USH2A: variants seen among roughly 807,000 people sequenced by gnomAD.
USH2A encodes the protein Usher syndrome 2A (autosomal recessive, mild).
Under a neutral mutation model 538.9 loss-of-function variants are expected in USH2A, and 443 were observed. The ratio of observed to expected loss-of-function variants is 0.82; its 90% CI spans 0.76 to 0.89. The LOEUF is 0.89. Among genes scored for constraint, USH2A ranks in the 40% least tolerant of loss-of-function variants. The pLI is 0.00. For missense variants in USH2A, 6,633 were observed against 6,324.8 expected (o/e 1.05, Z -1.65); for synonymous variants, 2,413 against 2,273.5 (o/e 1.06, Z -1.75).
intron 26 of USH2A, among the ~76,000 whole-genome samples, chr1:216,080,752 A>G (rs1194120737): frequency 2.6e-5 from 4 of 151,264 alleles, no homozygotes; most frequent in Non-Finnish European, 5.9e-5. Context: ...AGGAAGGGAT[A>G]GAATCTAGGA....
chr1:215,828,341 C>T (rs1390608062), intron 47 of USH2A, among the ~76,000 whole-genome samples: 4 of 151,998 alleles, frequency 2.6e-5, no homozygotes, highest in Non-Finnish European at 5.9e-5. Context: ...GCCTATTGTC[C>T]CAGCTACTCA....
rs75515914 is a variant in USH2A, at chr1:216,157,876, A to G, written c.4627+17376T>C. ...GCTCACTACTTGCGTAATGGAACCC[A>G]TAGCCCAAACGTTAGCGTCATGCAA... On this transcript the variant is annotated intron_variant, in intron 21 of 71. Coordinates refer to ENST00000307340, the MANE Select transcript of USH2A (RefSeq NM_206933.4). Among the ~76,000 whole-genome samples, 455 of 152,306 alleles carry G rather than the reference A, an allele frequency of 3.0e-3. 6 individuals are homozygous for G. Among genetic ancestry groups the G allele is most frequent in the East Asian group, 0.014 (70 of 5,162 alleles).
intron 21 of USH2A, among the ~76,000 whole-genome samples, chr1:216,105,368 T>A (rs1334114742): frequency 6.6e-6 from 1 of 151,856 alleles, no homozygotes; most frequent in Non-Finnish European, 1.5e-5. Flanking sequence ...ATTGTTTTTT[T>A]TTGACTCCTA....
At chr1:216,119,205 G>A (rs767324957) in intron 21 of USH2A, among the ~76,000 whole-genome samples, 1 of 152,164 alleles carries the variant, frequency 6.6e-6, no homozygotes, top group Non-Finnish European at 1.5e-5. Context: ...TAATCACTAA[G>A]TAGCCATTTA....
intron 69 of USH2A, among the ~76,000 whole-genome samples, chr1:215,636,403 A>G (rs1282850171): frequency 6.6e-6 from 1 of 152,172 alleles, no homozygotes; most frequent in Non-Finnish European, 1.5e-5. Context: ...TTGGACTCTG[A>G]CCTTTGCTTC....
At chr1:215,678,768 G>T (rs1486240458) in intron 62 of USH2A, among the ~76,000 whole-genome samples, 1 of 152,056 alleles carries the variant, frequency 6.6e-6, no homozygotes, top group East Asian at 1.9e-4. Context: ...TAACATCAGG[G>T]AACCTGACTG....
At chr1:215,665,719 A>T (rs923603527) in intron 64 of USH2A, among the ~76,000 whole-genome samples, 2 of 152,212 alleles carry the variant, frequency 1.3e-5, no homozygotes, top group Non-Finnish European at 2.9e-5. Flanking sequence ...TTCACACTGC[A>T]TGTATTAGAA....
intron 56 of USH2A, among the ~76,000 whole-genome samples, chr1:215,760,803 T>A (rs1448337981): frequency 6.6e-6 from 1 of 152,174 alleles, no homozygotes; most frequent in Admixed American, 6.6e-5. Context: ...CTTCTCCTGG[T>A]CCAAGCCACG....
chr1:216,141,204 T>C (rs1039825250), intron 21 of USH2A, among the ~76,000 whole-genome samples: 7 of 152,224 alleles, frequency 4.6e-5, no homozygotes, highest in African/African-American at 1.7e-4. Flanking sequence ...TCTTACCATT[T>C]TGAACCTGCA....
At chr1:216,242,513 C>T (rs967447358) in intron 13 of USH2A, among the ~76,000 whole-genome samples, 1 of 152,004 alleles carries the variant, frequency 6.6e-6, no homozygotes, top group East Asian at 1.9e-4. Flanking sequence ...AAAACAGGCA[C>T]TTATGATCTT....
At chr1:216,339,481 A>C (rs2038034714) in intron 4 of USH2A, among the ~76,000 whole-genome samples, 1 of 151,722 alleles carries the variant, frequency 6.6e-6, no homozygotes, top group Non-Finnish European at 1.5e-5. Context: ...TAAATGCAGA[A>C]TGTGGGAGGA....
chr1:216,180,348 T>C (rs1316003399), intron 20 of USH2A, among the ~76,000 whole-genome samples: 1 of 152,122 alleles, frequency 6.6e-6, no homozygotes, highest in African/African-American at 2.4e-5. Context: ...CTTGTACTTT[T>C]AAAATAGCAC....
At chr1:216,420,868 A>G (rs994822651) in intron 2 of USH2A, among the ~76,000 whole-genome samples, 3 of 152,174 alleles carry the variant, frequency 2.0e-5, no homozygotes, top group Admixed American at 2.0e-4. Flanking sequence ...CACTTGGCAA[A>G]TTGAAACTAA....
intron 21 of USH2A, among the ~76,000 whole-genome samples, chr1:216,171,813 G>A (rs1308181516): frequency 6.6e-6 from 1 of 151,988 alleles, no homozygotes; most frequent in Non-Finnish European, 1.5e-5. Flanking sequence ...ATAAATAATG[G>A]GGCCTGGATT....
At chr1:216,313,746 T>C (rs2037461809) in intron 9 of USH2A, among the ~76,000 whole-genome samples, 1 of 141,750 alleles carries the variant, frequency 7.1e-6, no homozygotes, top group Non-Finnish European at 1.6e-5. Flanking sequence ...AAACTAAAAA[T>C]GCATTCTTTC....
chr1:216,145,652 G>A (rs188743643), intron 21 of USH2A, among the ~76,000 whole-genome samples: 16 of 152,292 alleles, frequency 1.1e-4, no homozygotes, highest in Middle Eastern at 3.4e-3. Context: ...TGACCTGCAC[G>A]TATACGCCCA....
intron 60 of USH2A, among the ~76,000 whole-genome samples, chr1:215,734,393 G>A (rs950300342): frequency 6.6e-6 from 1 of 152,184 alleles, no homozygotes; most frequent in African/African-American, 2.4e-5. Flanking sequence ...GGGGCTGCCT[G>A]TAAGATCTCT....
At chr1:216,314,106 T>TTA (rs1333611372) in intron 9 of USH2A, among the ~76,000 whole-genome samples, 3 of 152,194 alleles carry the variant, frequency 2.0e-5, no homozygotes, top group Non-Finnish European at 4.4e-5. Context: ...AGATAATTCT[T>TTA]TACTCTTATC....
chr1:215,831,846 G>C (rs929425990), intron 47 of USH2A, among the ~76,000 whole-genome samples: 3 of 151,834 alleles, frequency 2.0e-5, no homozygotes, highest in African/African-American at 7.2e-5. Flanking sequence ...AAACAATGTA[G>C]ATGATATAGA....
Sources: allele counts gnomAD v4.1 joint callset (sites outside exome capture counted in the v4.1 genomes callset), GRCh38; gene constraint gnomAD v4.1.1; transcripts MANE v1.5; gene names NCBI Gene and HGNC (gene_info 2026-07-23, HGNC 2026-07-21).